Variants in SEMA6D observed in about 807,000 individuals in gnomAD.
The protein encoded by SEMA6D is semaphorin-6D.
SEMA6D carries 35 observed loss-of-function variants against 106.6 expected under a neutral mutation model. That is an observed-to-expected ratio of 0.33 (90% CI 0.25 to 0.44). SEMA6D has a LOEUF of 0.44. SEMA6D is among the 20% of genes least tolerant of loss of function. The pLI is 1.00. For missense variants in SEMA6D, 1,185 were observed against 1,345.9 expected, an observed-to-expected ratio of 0.88 and a Z score of 1.87; for synonymous variants, 499 against 487.7, an observed-to-expected ratio of 1.02 and a Z score of -0.31.
chr15:47,339,653 A>G (rs1449034089), intron 1 of SEMA6D, among the ~76,000 whole-genome samples: 2 of 152,112 alleles, frequency 1.3e-5, no homozygotes, highest in African/African-American at 4.8e-5. Context: ...CAGCCCAGGA[A>G]TTAGAGACCA....
chr15:47,765,685 G>C (rs988756643), intron 13 of SEMA6D, 184 bp from the exon 14 acceptor site: 19 of 613,306 alleles, frequency 3.1e-5, no homozygotes, highest in Non-Finnish European at 4.3e-5. Context: ...TGTCCAGCCT[G>C]AAATTTAACC....
At chr15:47,362,108 A>G (rs1379479356) in intron 1 of SEMA6D, among the ~76,000 whole-genome samples, 2 of 152,162 alleles carry the variant, frequency 1.3e-5, no homozygotes, top group Non-Finnish European at 2.9e-5. Context: ...TTAATTGGCA[A>G]GGAGAAATGT....
At chr15:47,503,802 C>G (rs984300887) in intron 3 of SEMA6D, among the ~76,000 whole-genome samples, 1 of 152,162 alleles carries the variant, frequency 6.6e-6, no homozygotes, top group Admixed American at 6.5e-5. Flanking sequence ...CCTTCCATTT[C>G]TTCCCACACT....
chr15:47,432,810 A>T (rs2041582747), intron 2 of SEMA6D, among the ~76,000 whole-genome samples: 1 of 152,114 alleles, frequency 6.6e-6, no homozygotes. Flanking sequence ...GGAAAAACTA[A>T]AAGTGCAAAT....
At chr15:47,619,464 G>A (rs2077062240) in intron 4 of SEMA6D, among the ~76,000 whole-genome samples, 1 of 152,200 alleles carries the variant, frequency 6.6e-6, no homozygotes, top group African/African-American at 2.4e-5. Context: ...CTTGGTCCTA[G>A]ATAAAATAAG....
At chr15:47,283,710 A>G (rs2035235278) in intron 1 of SEMA6D, among the ~76,000 whole-genome samples, 1 of 152,206 alleles carries the variant, frequency 6.6e-6, no homozygotes, top group South Asian at 2.1e-4. Flanking sequence ...AGGCTACACC[A>G]GAAACACAGC....
chr15:47,316,111 G>C (rs868842451), intron 1 of SEMA6D, among the ~76,000 whole-genome samples: 1 of 17,912 alleles, frequency 5.6e-5, no homozygotes, highest in Non-Finnish European at 9.2e-5. Context: ...CCTTTTTTTT[G>C]AGACAGAATC....
At chr15:47,221,486 T>G (rs765179594) in intron 1 of SEMA6D, among the ~76,000 whole-genome samples, 20 of 152,206 alleles carry the variant, frequency 1.3e-4, no homozygotes, top group Non-Finnish European at 2.1e-4. Flanking sequence ...AGTTTTATCC[T>G]GGGGTCCAAG....
chr15:47,621,549 G>A (rs28584055), intron 4 of SEMA6D, among the ~76,000 whole-genome samples: 4,902 of 152,146 alleles, frequency 0.032, 268 homozygotes, highest in African/African-American at 0.11. Flanking sequence ...GGGGTCCCCA[G>A]AGTGCCTGAG....
chr15:47,727,404 A>T (rs1485467742), intron 1 of SEMA6D, among the ~76,000 whole-genome samples: 1 of 152,186 alleles, frequency 6.6e-6, no homozygotes, highest in Non-Finnish European at 1.5e-5. Context: ...CATTTTGAGA[A>T]ATGGTGCTCT....
intron 1 of SEMA6D, among the ~76,000 whole-genome samples, chr15:47,254,879 G>T (rs573045847): frequency 2.4e-4 from 33 of 139,008 alleles, no homozygotes; most frequent in African/African-American, 9.2e-4. Context: ...GTGGTTTTGT[G>T]TGTGTGTGTG....
rs1036269040 is a variant in SEMA6D at position 47,425,250 on chromosome 15, G to C, written c.-159+12778G>C. 2.0e-5 allele frequency among the ~76,000 whole-genome samples: 3 copies of C among 151,934 alleles called. No individual in the cohort carries two copies. The South Asian group carries it at 6.2e-4, about 32-fold the overall frequency. On this transcript the variant is annotated intron_variant, in intron 2 of 19. Transcript: ENST00000558014. Reference sequence around the variant, plus strand: ...AGTTTCAAGACAATTACATTATTTTGGGGGAGGAAAAAGTTTCCTCAGCGA... The same window carrying C: ...AGTTTCAAGACAATTACATTATTTTCGGGGAGGAAAAAGTTTCCTCAGCGA...
At chr15:47,327,657 A>G (rs1256023794) in intron 1 of SEMA6D, among the ~76,000 whole-genome samples, 1 of 152,220 alleles carries the variant, frequency 6.6e-6, no homozygotes, top group Non-Finnish European at 1.5e-5. Flanking sequence ...ACAACAAAGA[A>G]CATCTCACTT....
intron 1 of SEMA6D, among the ~76,000 whole-genome samples, chr15:47,294,922 A>AGG: frequency 1.2e-4 from 1 of 8,538 alleles, no homozygotes; most frequent in Non-Finnish European, 9.3e-3. Flanking sequence ...AGTCTGGAAC[A>AGG]AAATCTGAAG....
chr15:47,648,290 C>A (rs967164239), intron 4 of SEMA6D, among the ~76,000 whole-genome samples: 1 of 152,206 alleles, frequency 6.6e-6, no homozygotes, highest in African/African-American at 2.4e-5. Context: ...TTTCCTCTCA[C>A]ATCCTAAAGA....
chr15:47,764,752 A>C lies in SEMA6D; in HGVS notation c.1212A>C (p.Pro404=). 1 of 1,613,966 alleles carries C rather than the reference A, an allele frequency of 6.2e-7. No homozygotes were observed. Among genetic ancestry groups the C allele is most frequent in the Non-Finnish European group, 8.5e-7 (1 of 1,179,890 alleles). The stretch of plus-strand genomic sequence containing the variant: ...ATCCCCTGATGGACTCTGCCGTTCC[A>C]CCCATTGCCGATGAGCCCTGGTTCA... ...KSHPLMDSAV[P]PIADEPWFTK... is the part of the protein sequence containing the mutation. The change falls in exon 12 of 19, where the codon CCA becomes CCC. Residue 404 remains proline (P), a synonymous_variant. Coordinates refer to ENST00000536845, the MANE Select transcript of SEMA6D (RefSeq NM_001358351.3).
At chr15:47,456,834 G>T (rs1358210444) in intron 2 of SEMA6D, among the ~76,000 whole-genome samples, 1 of 151,914 alleles carries the variant, frequency 6.6e-6, no homozygotes, top group African/African-American at 2.4e-5. Context: ...ATTCAGGGAG[G>T]CCACAGCCCC....
At chr15:47,664,527 A>G (rs1189192417) in intron 4 of SEMA6D, among the ~76,000 whole-genome samples, 1 of 152,198 alleles carries the variant, frequency 6.6e-6, no homozygotes, top group Non-Finnish European at 1.5e-5. Flanking sequence ...AAGCATGCAA[A>G]TGTCACTATA....
chr15:47,649,161 C>T (rs1254545692), intron 4 of SEMA6D, among the ~76,000 whole-genome samples: 1 of 152,052 alleles, frequency 6.6e-6, no homozygotes, highest in African/African-American at 2.4e-5. Flanking sequence ...AGGAAGAGAA[C>T]AGCTATGGGA....
Sources: allele counts gnomAD v4.1 joint callset (sites outside exome capture counted in the v4.1 genomes callset), GRCh38; gene constraint gnomAD v4.1.1; transcripts MANE v1.5; gene names NCBI Gene and HGNC (gene_info 2026-07-23, HGNC 2026-07-21).